CHD6: variants seen among roughly 807,000 people sequenced by gnomAD.
CHD6 encodes chromodomain helicase DNA binding protein 6, also known as ATP-dependent chromatin remodeler CHD6.
In CHD6, 50 loss-of-function variants were observed where a neutral mutation model predicts 276.9. The ratio of observed to expected loss-of-function variants is 0.18; its 90% CI spans 0.14 to 0.23. The LOEUF (loss-of-function observed/expected upper bound fraction) is 0.23, where lower values mean the gene tolerates loss of function less well. CHD6 is among the 10% of genes least tolerant of loss of function. CHD6 has a pLI of 1.00. For missense variants in CHD6, 2,564 were observed against 3,365.8 expected (o/e 0.76, Z 5.89); for synonymous variants, 1,173 against 1,229.3 (o/e 0.95, Z 0.96).
At chr20:41,422,937 T>C (rs1423442289) in intron 30 of CHD6, among the ~76,000 whole-genome samples, 1 of 152,174 alleles carries the variant, frequency 6.6e-6, no homozygotes, top group African/African-American at 2.4e-5. Flanking sequence ...TCCTAAAATA[T>C]TGTCCCATGA....
chr20:41,422,163 T>TG (rs2047216386), intron 30 of CHD6, 84 bp from the exon 31 acceptor site: 2 of 1,418,872 alleles, frequency 1.4e-6, no homozygotes, highest in African/African-American at 1.4e-5. Context: ...TCTTTGGTCT[T>TG]GGAGTTTAGC....
intron 5 of CHD6, among the ~76,000 whole-genome samples, chr20:41,504,077 C>CAAAAAAAAAAAAAAAAAAAAAAAAAAA (rs1189323419): frequency 3.0e-4 from 8 of 27,094 alleles, no homozygotes; most frequent in African/African-American, 3.9e-4. Context: ...GACTCTGTCT[C>CAAAAAAAAAAAAAAAAAAAAAAAAAAA]AAAAAAAAAA....
At chr20:41,469,093 T>C (rs1569112224) in intron 17 of CHD6, among the ~76,000 whole-genome samples, 1 of 152,146 alleles carries the variant, frequency 6.6e-6, no homozygotes. Flanking sequence ...CGGAGCAGTG[T>C]GGGAGTTTCC....
In CHD6 at chr20:41,404,104, A is replaced by G. The variant is rs2145345775; in HGVS notation, c.*489T>C. On this transcript the variant is annotated 3_prime_UTR_variant, in exon 37 of 37. Coordinates refer to ENST00000373233, the MANE Select transcript of CHD6 (RefSeq NM_032221.5). ...CTTAGTAATCATGATAAAATAGGGA[A>G]ATATTTTAACTCAAAAATATGCACC... 1 of 1,052,232 alleles carries G rather than the reference A, an allele frequency of 9.5e-7. No individual in the cohort carries two copies. Among genetic ancestry groups the G allele is most frequent in the Non-Finnish European group, 1.1e-6 (1 of 871,078 alleles). 65.2% of individuals were successfully genotyped at this position (1,052,232 alleles called of 1,614,324 possible). A position where few individuals can be genotyped will look rare whatever the true frequency, so the allele number is the denominator to read the frequency against.
chr20:41,538,653 G>T (rs1452445685), intron 2 of CHD6, among the ~76,000 whole-genome samples: 1 of 152,126 alleles, frequency 6.6e-6, no homozygotes, highest in Non-Finnish European at 1.5e-5. Flanking sequence ...TTTTCATTTT[G>T]AAAAATCCAG....
At chr20:41,513,279 C>T (rs773027136) in intron 4 of CHD6, among the ~76,000 whole-genome samples, 6 of 152,122 alleles carry the variant, frequency 3.9e-5, no homozygotes, top group African/African-American at 4.8e-5. Flanking sequence ...TGTTCATCAA[C>T]GGTAGTGACT....
chr20:41,459,859 G>A lies in CHD6; in HGVS notation c.2665-2431C>T, dbSNP rs1401592821. 4.6e-5 allele frequency among the ~76,000 whole-genome samples: 7 copies of A among 152,340 alleles called. No individual in the cohort carries two copies. In the East Asian group the frequency reaches 7.7e-4, roughly 17 times the overall value. ...AAAAGATACCCGAAAACGCGGAAGCGACTTTGGAACTGGGTAATAGGCAGA... is the reference window on the plus strand; with the variant it reads ...AAAAGATACCCGAAAACGCGGAAGCAACTTTGGAACTGGGTAATAGGCAGA... On this transcript the variant is annotated intron_variant, in intron 17 of 36. Coordinates refer to ENST00000373233, the MANE Select transcript of CHD6 (RefSeq NM_032221.5).
At chr20:41,419,024 C>T (rs997774778) in intron 31 of CHD6, among the ~76,000 whole-genome samples, 4 of 152,084 alleles carry the variant, frequency 2.6e-5, no homozygotes, top group African/African-American at 9.7e-5. Flanking sequence ...TTATTTTTAC[C>T]CGCAACAGGG....
At chr20:41,592,418 A>G (rs2045673012) in intron 1 of CHD6, among the ~76,000 whole-genome samples, 1 of 152,216 alleles carries the variant, frequency 6.6e-6, no homozygotes, top group Admixed American at 6.5e-5. Context: ...ACTGTCTTAA[A>G]CGAGAGTCTT....
intron 5 of CHD6, among the ~76,000 whole-genome samples, chr20:41,505,376 A>G (rs1252743428): frequency 6.6e-6 from 1 of 152,106 alleles, no homozygotes; most frequent in African/African-American, 2.4e-5. Context: ...GGATTTCTTT[A>G]GTTTCCAAAC....
At chr20:41,594,297 T>C (rs1010419643) in intron 1 of CHD6, among the ~76,000 whole-genome samples, 4 of 152,210 alleles carry the variant, frequency 2.6e-5, no homozygotes, top group Non-Finnish European at 5.9e-5. Context: ...CAGCCTAAGA[T>C]GGAAGTCAAA....
intron 27 of CHD6, among the ~76,000 whole-genome samples, chr20:41,432,595 C>G (rs967647542): frequency 6.6e-6 from 1 of 152,116 alleles, no homozygotes; most frequent in African/African-American, 2.4e-5. Flanking sequence ...AGGTGCCCCC[C>G]CCGACCTCTG....
chr20:41,432,160 C>CAAA lies in CHD6; in HGVS notation c.4068+5111_4068+5113dup, dbSNP rs572447937. Among the ~76,000 whole-genome samples, 14 of 58,976 alleles carry CAAA rather than the reference C, an allele frequency of 2.4e-4. 1 individual carries two copies. Among genetic ancestry groups the CAAA allele is most frequent in the East Asian group, 1.9e-3 (4 of 2,154 alleles). 38.7% of individuals were successfully genotyped at this position (58,976 alleles called of 152,430 possible). A position where few individuals can be genotyped will look rare whatever the true frequency, so the allele number is the denominator to read the frequency against. ...GGGCAGCAAGAGTAAAACTCCGTCT[C>CAAA]AAAAAAAAAAAAAAAAAAAGAAGCG... On this transcript the variant is annotated intron_variant, in intron 27 of 36. Coordinates refer to ENST00000373233, the MANE Select transcript of CHD6 (RefSeq NM_032221.5).
chr20:41,520,284 G>A (rs965147486), intron 3 of CHD6, among the ~76,000 whole-genome samples: 1 of 152,064 alleles, frequency 6.6e-6, no homozygotes, highest in Non-Finnish European at 1.5e-5. Context: ...GGATCTAGAA[G>A]TAGAAATACC....
chr20:41,590,537 C>G (rs1363543086), intron 1 of CHD6, among the ~76,000 whole-genome samples: 4 of 152,098 alleles, frequency 2.6e-5, no homozygotes, highest in African/African-American at 9.7e-5. Context: ...ACCCCATCAA[C>G]AAGTGGGCAA....
intron 5 of CHD6, among the ~76,000 whole-genome samples, chr20:41,506,227 A>G (rs1216163094): frequency 6.6e-6 from 1 of 152,068 alleles, no homozygotes; most frequent in Non-Finnish European, 1.5e-5. Flanking sequence ...ATTCAGAATG[A>G]CCCTTTTTAT....
chr20:41,498,330 G>T (rs1295293419), intron 6 of CHD6, 104 bp from the exon 7 acceptor site: 2 of 806,334 alleles, frequency 2.5e-6, no homozygotes, highest in African/African-American at 1.8e-5. Flanking sequence ...TTTCCATAAA[G>T]ATTTCTTAAG....
Position 41,469,359 on chromosome 20 carries a change from A to G in CHD6, c.2664+3963T>C, listed in dbSNP as rs148555134. Among the ~76,000 whole-genome samples the G allele has an allele frequency of 1.4e-3, 215 of 152,298 alleles. 1 individual carries two copies. The highest frequency in any genetic ancestry group is 6.8e-3 in the Middle Eastern group (2 of 294). The stretch of plus-strand genomic sequence containing the variant: ...GGATCTCTTGCCTCCAGATGCAAAA[A>G]GTCCCCCAGAGAATAAGAAGCAGAA... On this transcript the variant is annotated intron_variant, in intron 17 of 36. Coordinates refer to ENST00000373233, the MANE Select transcript of CHD6 (RefSeq NM_032221.5).
intron 2 of CHD6, among the ~76,000 whole-genome samples, chr20:41,544,633 AC>A (rs1419262050): frequency 1.3e-5 from 2 of 150,948 alleles, no homozygotes; most frequent in Non-Finnish European, 3.0e-5. Flanking sequence ...TTTAATATTA[AC>A]ATATAATTAA....
Sources: gnomAD v4.1 joint callset for allele counts (sites outside exome capture counted in the v4.1 genomes callset) on GRCh38, gnomAD v4.1.1 for gene constraint, MANE v1.5 for transcripts, NCBI Gene and HGNC (gene_info 2026-07-23, HGNC 2026-07-21) for gene names.